RDH10: variants seen among roughly 807,000 people sequenced by gnomAD.
The protein encoded by RDH10 is retinol dehydrogenase 10 (all-trans).
RDH10 carries 12 observed loss-of-function variants against 30.2 expected under a neutral mutation model. That is an observed-to-expected ratio of 0.40 (90% confidence interval 0.25 to 0.64). The LOEUF (loss-of-function observed/expected upper bound fraction) is 0.64, where lower values mean the gene tolerates loss of function less well. Ranked by LOEUF, RDH10 falls within the 30% of genes least tolerant of loss-of-function variation. The pLI is 0.43. For synonymous variants in RDH10, 189 were observed against 172.2 expected, an observed-to-expected ratio of 1.10 and a Z score of -0.76; for missense variants, 268 against 445.2, an observed-to-expected ratio of 0.60 and a Z score of 3.58.
chr8:73,301,039 A>ATTTT (rs1563547188), intron 2 of RDH10, among the ~76,000 whole-genome samples: 1 of 98,800 alleles, frequency 1.0e-5, no homozygotes, highest in African/African-American at 4.0e-5. Flanking sequence ...ACAAAACTCT[A>ATTTT]TTCTTTTTTT....
At position 73,295,499 on chromosome 8, in the gene RDH10, G is replaced by A. The variant is rs140772051; in HGVS notation, c.210G>A (p.Thr70=). 10 of 1,555,942 alleles carry A rather than the reference G, an allele frequency of 6.4e-6. No homozygotes were observed. The Admixed American group carries it at 1.3e-4, about 21-fold the overall frequency. The change falls in exon 1 of 6, where the codon ACG becomes ACA. Residue 70 remains threonine, a synonymous_variant. Coordinates refer to ENST00000240285, the MANE Select transcript of RDH10 (RefSeq NM_172037.5). ...TGCTGGTGCTGTGGGACATCAACAC[G>A]CAAAGCAACGAGGAGACGGCTGGCA... ...RALLVLWDIN[T]QSNEETAGMV...
chr8:73,298,646 G>T (rs1814321197), intron 2 of RDH10, among the ~76,000 whole-genome samples: 1 of 152,072 alleles, frequency 6.6e-6, no homozygotes, highest in South Asian at 2.1e-4. Flanking sequence ...TCCTGCCTCA[G>T]CCTCTTGAGT....
In RDH10 at chr8:73,295,301, G is replaced by T. The variant is rs370059738; in HGVS notation, c.12G>T (p.Val4=). 1.9e-5 allele frequency: 30 copies of T among 1,565,364 alleles called. No homozygotes were observed. The Admixed American group carries it at 2.1e-4, about 11-fold the overall frequency. Residue 4 remains valine (V), a synonymous_variant, in exon 1 of 6, where the codon GTG becomes GTT. Coordinates refer to ENST00000240285, the MANE Select transcript of RDH10 (RefSeq NM_172037.5). ...CCCCGGGCGTCGCGATGAACATCGTGGTGGAGTTCTTCGTGGTCACTTTCA... is the reference window on the plus strand; with the variant it reads ...CCCCGGGCGTCGCGATGAACATCGTTGTGGAGTTCTTCGTGGTCACTTTCA... The part of the protein sequence containing the change: MNI[V]VEFFVVTFKV...
In RDH10 at chr8:73,307,578, C is replaced by T. The variant is rs138385959; in HGVS notation, c.525+10149C>T. On this transcript the variant is annotated intron_variant, in intron 2 of 5. Transcript: ENST00000240285. ...ACTCTGAATTAAATAGAGCCACTAT[C>T]CTCATGTTTATGGATGAGGAAACAA... 3.5e-3 allele frequency among the ~76,000 whole-genome samples: 539 copies of T among 152,324 alleles called. 4 individuals carry two copies. Among genetic ancestry groups the T allele is most frequent in the Admixed American group, 4.1e-3 (62 of 15,296 alleles).
chr8:73,322,494 A>C (rs2130384056), intron 4 of RDH10, 185 bp from the exon 5 acceptor site: 1 of 562,596 alleles, frequency 1.8e-6, no homozygotes, highest in Non-Finnish European at 3.1e-6. Flanking sequence ...TGTTCTCCAG[A>C]CTGTGCCAAT....
chr8:73,306,300 A>G (rs548308467), intron 2 of RDH10, among the ~76,000 whole-genome samples: 1 of 152,190 alleles, frequency 6.6e-6, no homozygotes, highest in African/African-American at 2.4e-5. Flanking sequence ...GGGGACGCAA[A>G]CCTTTTCATG....
chr8:73,297,493 G>A (rs1310824438), intron 2 of RDH10, 64 bp downstream of exon 2: 1 of 1,232,798 alleles, frequency 8.1e-7, no homozygotes, highest in African/African-American at 1.5e-5. Flanking sequence ...GGGAAGGGGA[G>A]AGACTTCAGT....
In RDH10 at chr8:73,324,785, C is replaced by T. The variant is rs1814840409; in HGVS notation, c.*1749C>T. ...CTTGTTTGTACCAAAAGTGGGGAAA[C>T]AATGCCATGACCTGTGTTTTAGTTT... On this transcript the variant is annotated 3_prime_UTR_variant, in exon 6 of 6. Transcript: ENST00000240285. The T allele has an allele frequency of 6.6e-6, 1 of 152,178 alleles. No homozygotes were observed. Among genetic ancestry groups the T allele is most frequent in the Admixed American group, 6.5e-5 (1 of 15,278 alleles). 9.4% of individuals were successfully genotyped at this position (152,178 alleles called of 1,614,324 possible).
Position 73,324,962 on chromosome 8 carries a change from C to T in RDH10, c.*1926C>T, listed in dbSNP as rs1814844509. ...TAACCAAACCTTATGGCCCTTATAA[C>T]AATGGAGGCACTGGCTGCCTCTTAA... On this transcript the variant is annotated 3_prime_UTR_variant, in exon 6 of 6. Transcript: ENST00000240285. The T allele has an allele frequency of 6.6e-6, 1 of 152,148 alleles. No individual in the cohort carries two copies. Among genetic ancestry groups the T allele is most frequent in the Non-Finnish European group, 1.5e-5 (1 of 68,030 alleles). 9.4% of individuals were successfully genotyped at this position (152,148 alleles called of 1,614,324 possible).
intron 2 of RDH10, among the ~76,000 whole-genome samples, chr8:73,302,323 C>CT (rs2130360053): frequency 6.6e-6 from 1 of 152,310 alleles, no homozygotes; most frequent in East Asian, 1.9e-4. Context: ...CTATCATGCA[C>CT]TTTAACACTA....
intron 2 of RDH10, among the ~76,000 whole-genome samples, chr8:73,300,025 G>A (rs1457257816): frequency 6.6e-6 from 1 of 152,208 alleles, no homozygotes; most frequent in Non-Finnish European, 1.5e-5. Context: ...AGTCATCACT[G>A]TGCTTTGAGA....
At chr8:73,296,075 A>G (rs1012906566) in intron 1 of RDH10, among the ~76,000 whole-genome samples, 1 of 152,224 alleles carries the variant, frequency 6.6e-6, no homozygotes, top group Non-Finnish European at 1.5e-5. Context: ...TTGTTTCGCC[A>G]GCGATAAGTG....
Position 73,295,315 on chromosome 8 carries a change from T to C in RDH10, c.26T>C (p.Val9Ala), listed in dbSNP as rs1428738168. The C allele has an allele frequency of 5.1e-6, 8 of 1,566,642 alleles. No homozygotes were observed. In the East Asian group the frequency reaches 1.9e-4, roughly 37 times the overall value. MNIVVEFF[V>A]VTFKVLWAFV... The stretch of plus-strand genomic sequence containing the variant: ...ATGAACATCGTGGTGGAGTTCTTCG[T>C]GGTCACTTTCAAAGTGCTCTGGGCG... Residue 9 changes from valine to alanine, a missense_variant, in exon 1 of 6, where the codon GTG (valine) becomes GCG (alanine). Physicochemically the swap from Val to Ala is moderately conservative, Grantham distance 64. Transcript: ENST00000240285.
rs1814723366 is a variant in RDH10 at position 73,319,157 on chromosome 8, C to G, written c.587C>G (p.Ala196Gly). Residue 196 changes from alanine (A) to glycine (G), a missense_variant, in exon 3 of 6, where the codon GCA becomes GGA. By Grantham distance (60) the Ala-to-Gly change is moderately conservative. Around this residue, in one of 4 missense-constraint regions of RDH10, gnomAD observed 136 missense variants for 288.8 expected, o/e 0.47. Coordinates refer to ENST00000240285, the MANE Select transcript of RDH10 (RefSeq NM_172037.5). The part of the protein sequence containing the change: ...EINHGHIVTV[A>G]SSLGLFSTAG... ...AATCATGGTCATATTGTGACAGTTG[C>G]AAGTTCCTTGGGATTGTTCAGTACT... The G allele has an allele frequency of 6.2e-7, 1 of 1,613,472 alleles. No individual in the cohort carries two copies. Among genetic ancestry groups the G allele is most frequent in the African/African-American group, 1.3e-5 (1 of 74,920 alleles).
Position 73,322,943 on chromosome 8 carries a change from G to C in RDH10, c.933G>C (p.Met311Ile). ...SILPFEAVVCMYRFLGADKCM... is the reference protein window; with the variant it reads ...SILPFEAVVCIYRFLGADKCM... Reference sequence around the variant, plus strand: ...TACCATTTGAAGCAGTTGTGTGCATGTATCGGTTCCTAGGAGCGGACAAGT... The same window carrying C: ...TACCATTTGAAGCAGTTGTGTGCATCTATCGGTTCCTAGGAGCGGACAAGT... The change falls in exon 6 of 6, where the codon ATG (methionine) becomes ATC (isoleucine). Residue 311 changes from methionine to isoleucine, a missense_variant. By Grantham distance (10) the Met-to-Ile change is conservative. Coordinates refer to ENST00000240285, the MANE Select transcript of RDH10 (RefSeq NM_172037.5). 2 of 1,614,136 alleles carry C rather than the reference G, an allele frequency of 1.2e-6. No individual in the cohort carries two copies. The highest frequency in any genetic ancestry group is 1.7e-6 in the Non-Finnish European group (2 of 1,180,004).
intron 2 of RDH10, among the ~76,000 whole-genome samples, chr8:73,307,743 A>G (rs1389525831): frequency 2.6e-5 from 4 of 152,232 alleles, no homozygotes; most frequent in Non-Finnish European, 5.9e-5. Flanking sequence ...CTCCTGGTAC[A>G]GTAGGTAGAT....
chr8:73,295,990 C>G, intron 1 of RDH10: 1 of 255,760 alleles, frequency 3.9e-6, no homozygotes, highest in Non-Finnish European at 6.5e-6. Flanking sequence ...GTCTGTCTTA[C>G]TGTGGTCTGA....
At chr8:73,309,656 C>A (rs1814529457) in intron 2 of RDH10, among the ~76,000 whole-genome samples, 1 of 147,704 alleles carries the variant, frequency 6.8e-6, no homozygotes, top group Non-Finnish European at 1.5e-5. Context: ...ATATTCCAAA[C>A]CTGGAAAATG....
At chr8:73,318,682 G>A (rs1044755614) in intron 2 of RDH10, among the ~76,000 whole-genome samples, 8 of 152,188 alleles carry the variant, frequency 5.3e-5, no homozygotes, top group Non-Finnish European at 5.9e-5. Context: ...TTAATACAAG[G>A]CAATGTTTGT....
Sources: gnomAD v4.1 joint callset for allele counts (sites outside exome capture counted in the v4.1 genomes callset) on GRCh38, gnomAD v4.1.1 for gene constraint, gnomAD v4.1.1 regional missense constraint, MANE v1.5 for transcripts, NCBI Gene and HGNC (gene_info 2026-07-23, HGNC 2026-07-21) for gene names.